The following PANK1 variants were observed in gnomAD, a reference collection of about 807,000 sequenced individuals.
PANK1 encodes pantothenic acid kinase 1.
PANK1 carries 18 observed loss-of-function variants against 40.1 expected under a neutral mutation model. The ratio of observed to expected loss-of-function variants is 0.45; its 90% CI spans 0.31 to 0.67. PANK1 has a LOEUF of 0.67. PANK1 is among the 30% of genes least tolerant of loss of function. The pLI, the probability that PANK1 is intolerant of heterozygous loss-of-function variation, is 0.06. For missense variants in PANK1, 457 were observed against 599.6 expected, an observed-to-expected ratio of 0.76 and a Z score of 2.48; for synonymous variants, 242 against 237.7, an observed-to-expected ratio of 1.02 and a Z score of -0.17.
chr10:89,601,237 C>G (rs192405144), intron 2 of PANK1, among the ~76,000 whole-genome samples: 1 of 144,814 alleles, frequency 6.9e-6, no homozygotes, highest in Admixed American at 7.2e-5. Flanking sequence ...CATTTTGGGG[C>G]GCCGAGGTGA....
chr10:89,612,416 C>T (rs1194807132), intron 1 of PANK1, among the ~76,000 whole-genome samples: 1 of 152,152 alleles, frequency 6.6e-6, no homozygotes, highest in African/African-American at 2.4e-5. Flanking sequence ...TTGCATACAT[C>T]CTGGATCCCA....
intron 3 of PANK1, among the ~76,000 whole-genome samples, chr10:89,594,313 C>G (rs1475149480): frequency 6.6e-6 from 1 of 152,098 alleles, no homozygotes; most frequent in Non-Finnish European, 1.5e-5. Context: ...GAAATGGGGC[C>G]AAATCATGAT....
At chr10:89,620,365 T>C (rs2133978152) in intron 1 of PANK1, among the ~76,000 whole-genome samples, 1 of 152,312 alleles carries the variant, frequency 6.6e-6, no homozygotes, top group Non-Finnish European at 1.5e-5. Context: ...GGAATAACCC[T>C]GGGAAAGGAA....
chr10:89,603,216 C>T (rs990325832), intron 2 of PANK1, among the ~76,000 whole-genome samples: 1 of 152,148 alleles, frequency 6.6e-6, no homozygotes, highest in African/African-American at 2.4e-5. Context: ...TAATCACCCC[C>T]GACCATGACC....
chr10:89,612,033 C>A lies in PANK1; in HGVS notation c.308G>T (p.Gly103Val), dbSNP rs768819531. The change falls in exon 2 of 7, where the codon GGC becomes GTC. Residue 103 changes from glycine (G) to valine (V), a missense_variant. Physicochemically the swap from Gly to Val is moderately radical, Grantham distance 109. Around this residue, in one of 4 missense-constraint regions of PANK1, gnomAD observed 286 missense variants for 415.8 expected, o/e 0.69. Transcript: ENST00000307534. ...AACCAGCGTTCCACCGATGTCCATG[C>A]CAAACCATGGGAATGCTAAAGGACA... ...RKNRPPFPWF[G>V]MDIGGTLVKL... 1 of 1,612,832 alleles carries A rather than the reference C, an allele frequency of 6.2e-7. No individual in the cohort carries two copies. The highest frequency in any genetic ancestry group is 1.1e-5 in the South Asian group (1 of 90,994).
chr10:89,638,761 C>T (rs910787690), intron 1 of PANK1, among the ~76,000 whole-genome samples: 1 of 152,208 alleles, frequency 6.6e-6, no homozygotes, highest in Non-Finnish European at 1.5e-5. Flanking sequence ...TTCCTCTTTT[C>T]CATCTGAGAT....
rs1286346800 is a variant in PANK1, at chr10:89,595,829, AAAAAATATATATATATATATATAT to A, written c.900-1864_900-1841del. Among the ~76,000 whole-genome samples, 230 of 66,676 alleles carry A rather than the reference AAAAAATATATATATATATATATAT, an allele frequency of 3.4e-3. 8 individuals are homozygous for A. Among genetic ancestry groups the A allele is most frequent in the African/African-American group, 0.017 (221 of 13,118 alleles). The allele number at this position is 66,676 out of a possible 152,430, so 43.7% of individuals were successfully genotyped here. ...CGGACTCCATCTTAAAAAAAAAAAA[AAAAAATATATATATATATATATAT>A]ATATATATATATATATATATAACTT... is the stretch of plus-strand genomic sequence containing the variant. On this transcript the variant is annotated intron_variant, in intron 3 of 6. Transcript: ENST00000307534.
Position 89,593,339 on chromosome 10 carries a change from C to A in PANK1, c.1077-19G>T, listed in dbSNP as rs779081120. On this transcript the variant is annotated intron_variant, in intron 4 of 6. Transcript: ENST00000307534. Reference sequence around the variant, plus strand: ...GCCAAAGCTATGTTGGAAATATCAGCGAGAGTGTTCAAAATCGTCCTCAGG... The same window carrying A: ...GCCAAAGCTATGTTGGAAATATCAGAGAGAGTGTTCAAAATCGTCCTCAGG... The A allele has an allele frequency of 1.9e-6, 3 of 1,611,734 alleles. No individual in the cohort carries two copies. Among genetic ancestry groups the A allele is most frequent in the Non-Finnish European group, 2.5e-6 (3 of 1,178,942 alleles).
chr10:89,605,764 G>C (rs944459288), intron 2 of PANK1, among the ~76,000 whole-genome samples: 61 of 152,028 alleles, frequency 4.0e-4, no homozygotes, highest in Non-Finnish European at 5.9e-5. Context: ...ATCTTTTCCA[G>C]AGGTTTCTAA....
chr10:89,633,132 G>A (rs577244819), intron 1 of PANK1, among the ~76,000 whole-genome samples: 19 of 145,608 alleles, frequency 1.3e-4, no homozygotes, highest in African/African-American at 4.4e-4. Context: ...CAGTTTCCAC[G>A]GTGTATATAT....
At chr10:89,615,622 C>T (rs553344788) in intron 1 of PANK1, among the ~76,000 whole-genome samples, 3 of 152,126 alleles carry the variant, frequency 2.0e-5, no homozygotes, top group Non-Finnish European at 2.9e-5. Flanking sequence ...AAGCTGGTCT[C>T]GAACTCCTGG....
chr10:89,598,249 T>A (rs1008956031), intron 3 of PANK1, among the ~76,000 whole-genome samples: 1 of 152,234 alleles, frequency 6.6e-6, no homozygotes, highest in African/African-American at 2.4e-5. Flanking sequence ...GGAAATGTAC[T>A]GCAAAAGCAA....
intron 6 of PANK1, among the ~76,000 whole-genome samples, chr10:89,587,800 G>A (rs1844248280): frequency 1.3e-5 from 2 of 152,158 alleles, no homozygotes; most frequent in African/African-American, 4.8e-5. Flanking sequence ...TTTTAAAAAT[G>A]TTATTATAAA....
chr10:89,584,362 A>T lies in PANK1; in HGVS notation c.*44T>A. On this transcript the variant is annotated 3_prime_UTR_variant, in exon 7 of 7. Transcript: ENST00000307534. ...TCACCTTCTCCAGCAGCAATTTTTT[A>T]GTTCTCTGTCCTTTTGGGAGGCTGT... The T allele has an allele frequency of 7.5e-7, 1 of 1,327,214 alleles. No individual in the cohort carries two copies. Among genetic ancestry groups the T allele is most frequent in the Non-Finnish European group, 1.1e-6 (1 of 921,038 alleles). 82.2% of individuals were successfully genotyped at this position (1,327,214 alleles called of 1,614,324 possible). A position where few individuals can be genotyped will look rare whatever the true frequency, so the allele number is the denominator to read the frequency against.
intron 2 of PANK1, among the ~76,000 whole-genome samples, chr10:89,604,627 G>C (rs926754878): frequency 2.7e-5 from 4 of 147,450 alleles, no homozygotes; most frequent in Non-Finnish European, 5.9e-5. Context: ...CCAGGAGGCA[G>C]GTGTTGCAGT....
Position 89,618,552 on chromosome 10 carries a change from G to A in PANK1, c.293-6504C>T, listed in dbSNP as rs547627844. Among the ~76,000 whole-genome samples the A allele has an allele frequency of 5.3e-5, 8 of 152,264 alleles. No individual in the cohort carries two copies. The East Asian group carries it at 1.5e-3, about 29-fold the overall frequency. ...AAGAGGGAGAGTGAGACAAATATCC[G>A]GTAACCAGAAGAGCAACCTGTGTCA... is the stretch of plus-strand genomic sequence containing the variant. On this transcript the variant is annotated intron_variant, in intron 1 of 6. Transcript: ENST00000307534.
chr10:89,615,817 C>T (rs1845299479), intron 1 of PANK1, among the ~76,000 whole-genome samples: 1 of 152,178 alleles, frequency 6.6e-6, no homozygotes, highest in Non-Finnish European at 1.5e-5. Context: ...TTTTATTCAT[C>T]TTCCTGATAT....
chr10:89,597,368 G>A (rs1209980120), intron 3 of PANK1, among the ~76,000 whole-genome samples: 1 of 152,116 alleles, frequency 6.6e-6, no homozygotes, highest in Admixed American at 6.5e-5. Flanking sequence ...CTCCCTTCTC[G>A]TGGTAGCCCC....
rs1235232917 is a variant in PANK1 at position 89,644,702 on chromosome 10, G to A, written c.190C>T (p.Leu64=). 6.5e-7 allele frequency: 1 copy of A among 1,543,414 alleles called. No homozygotes were observed. Residue 64 remains leucine, a synonymous_variant, in exon 1 of 7, where the codon CTG becomes TTG. Coordinates refer to ENST00000307534, the MANE Select transcript of PANK1 (RefSeq NM_148977.3). ...SDAAPQRLPL[L]PELQPQPLLP... Reference sequence around the variant, plus strand: ...AGTGGCTGCGGCTGCAGCTCCGGCAGGAGCGGGAGGCGCTGGGGCGCCGCG... The same window carrying A: ...AGTGGCTGCGGCTGCAGCTCCGGCAAGAGCGGGAGGCGCTGGGGCGCCGCG...
Sources: allele counts gnomAD v4.1 joint callset (sites outside exome capture counted in the v4.1 genomes callset), GRCh38; gene constraint gnomAD v4.1.1; regional missense constraint gnomAD v4.1.1; transcripts MANE v1.5; gene names NCBI Gene and HGNC (gene_info 2026-07-23, HGNC 2026-07-21).